Variants in MICAL3 observed in about 807,000 individuals in gnomAD.
MICAL3 encodes microtubule associated monooxygenase, calponin and LIM domain containing 3.
In MICAL3, 62 loss-of-function variants were observed where a neutral mutation model predicts 207.4. That is an observed-to-expected ratio of 0.30 (90% CI 0.24 to 0.37). The LOEUF is 0.37. Among genes scored for constraint, MICAL3 ranks in the 10% least tolerant of loss-of-function variants. The pLI is 1.00. For missense variants in MICAL3, 2,368 were observed against 2,635.6 expected (o/e 0.90, Z 2.22); for synonymous variants, 1,077 against 1,069.3 (o/e 1.01, Z -0.14).
rs115588143 is a variant in MICAL3 at position 17,983,798 on chromosome 22, A to T, written c.-75+40483T>A. Among the ~76,000 whole-genome samples the T allele has an allele frequency of 4.3e-3, 654 of 152,264 alleles. 6 individuals carry two copies. The highest frequency in any genetic ancestry group is 0.015 in the African/African-American group (617 of 41,538). On this transcript the variant is annotated intron_variant, in intron 1 of 31. Transcript: ENST00000441493. The stretch of plus-strand genomic sequence containing the variant: ...CTTCACACCATGCCACTTCCTATGG[A>T]AGAACCCTATGCTAAAGGTGCCCTA...
chr22:17,831,744 GCAGGAGGC>G, intron 21 of MICAL3, 102 bp downstream of exon 21: 2 of 1,476,958 alleles, frequency 1.4e-6, no homozygotes, highest in Non-Finnish European at 1.8e-6. Flanking sequence ...CCTGGGCTGT[GCAGGAGGC>G]ACGTCCGTGT....
At chr22:17,917,745 T>C (rs1444586384) in intron 1 of MICAL3, among the ~76,000 whole-genome samples, 1 of 152,202 alleles carries the variant, frequency 6.6e-6, no homozygotes, top group African/African-American at 2.4e-5. Context: ...TGGCCAGCCA[T>C]GCAGAGTGCC....
At position 17,887,358 on chromosome 22, in the gene MICAL3, G is replaced by C; in HGVS notation, c.1969C>G (p.Leu657Val). 1 of 1,613,994 alleles carries C rather than the reference G, an allele frequency of 6.2e-7. No individual in the cohort carries two copies. Among genetic ancestry groups the C allele is most frequent in the South Asian group, 1.1e-5 (1 of 91,082 alleles). ...TRSPISFLSKLGQTISRKRSP... is the reference protein window; with the variant it reads ...TRSPISFLSKVGQTISRKRSP... ...CGCTTCCGAGAGATGGTCTGGCCAA[G>C]TTTGCTTAGGAAGGAGATAGGGGAT... is the stretch of plus-strand genomic sequence containing the variant. The change falls in exon 14 of 32, where the codon CTT becomes GTT. Residue 657 changes from leucine to valine, a missense_variant. Coordinates refer to ENST00000441493, the MANE Select transcript of MICAL3 (RefSeq NM_015241.3).
At chr22:17,846,191 C>A (rs973503683) in intron 19 of MICAL3, among the ~76,000 whole-genome samples, 3 of 152,188 alleles carry the variant, frequency 2.0e-5, no homozygotes, top group African/African-American at 7.2e-5. Context: ...ACCCACCAGG[C>A]CATTGAGCCA....
At chr22:17,917,867 T>G (rs557741003) in intron 1 of MICAL3, among the ~76,000 whole-genome samples, 1 of 152,190 alleles carries the variant, frequency 6.6e-6, no homozygotes, top group Non-Finnish European at 1.5e-5. Flanking sequence ...CTGTGGACAC[T>G]GTGTACAAAG....
At chr22:17,976,227 C>G (rs1342206733) in intron 1 of MICAL3, among the ~76,000 whole-genome samples, 3 of 152,138 alleles carry the variant, frequency 2.0e-5, no homozygotes, top group Non-Finnish European at 4.4e-5. Context: ...GTTTTTCATT[C>G]TGGTAACTTG....
In MICAL3 at chr22:17,887,450, C is replaced by T; in HGVS notation, c.1892-15G>A. 4 of 1,582,048 alleles carry T rather than the reference C, an allele frequency of 2.5e-6. No individual in the cohort carries two copies. Among genetic ancestry groups the T allele is most frequent in the Non-Finnish European group, 3.5e-6 (4 of 1,152,818 alleles). ...GTCCAAGGTGTCTGGGAATAGAAACCAGTGATGTTCAAGCACAGCCCTTGA... is the reference window on the plus strand; with the variant it reads ...GTCCAAGGTGTCTGGGAATAGAAACTAGTGATGTTCAAGCACAGCCCTTGA... On this transcript the variant is annotated splice_polypyrimidine_tract_variant and intron_variant, in intron 13 of 31. Coordinates refer to ENST00000441493, the MANE Select transcript of MICAL3 (RefSeq NM_015241.3).
At chr22:17,864,157 C>A (rs1926812460) in intron 19 of MICAL3, 9 of 988,960 alleles carry the variant, frequency 9.1e-6, no homozygotes, top group Non-Finnish European at 1.1e-5. Flanking sequence ...CTGGTACCCA[C>A]AAACCCTGCG....
intron 19 of MICAL3, among the ~76,000 whole-genome samples, chr22:17,846,396 TA>T (rs60481676): frequency 6.7e-6 from 1 of 149,584 alleles, no homozygotes; most frequent in African/African-American, 2.5e-5. Flanking sequence ...CATGGGAAAT[TA>T]AAAAAAAAAC....
chr22:17,886,851 A>G (rs1474865230), intron 15 of MICAL3, among the ~76,000 whole-genome samples: 2 of 149,942 alleles, frequency 1.3e-5, no homozygotes, highest in African/African-American at 2.4e-5. Context: ...GTGTGGTGGC[A>G]CATGCCTGCA....
chr22:17,983,250 A>ACC (rs1936008624), intron 1 of MICAL3: 1 of 151,086 alleles, frequency 6.6e-6, no homozygotes, highest in Admixed American at 6.6e-5. Context: ...TTGGGTCTTC[A>ACC]CCCCTCCCCA....
In MICAL3 at chr22:17,919,076, G is replaced by GTTTTTTTTT. The variant is rs35096617; in HGVS notation, c.-74-12199_-74-12191dup. On this transcript the variant is annotated intron_variant, in intron 1 of 31. Transcript: ENST00000441493. ...CTCCAAATGTTTTTGGTTTTTGTGG[G>GTTTTTTTTT]TTTTTTTTTTTTTTGAGACAGGCTC... is the stretch of plus-strand genomic sequence containing the variant. Among the ~76,000 whole-genome samples, 444 of 136,474 alleles carry GTTTTTTTTT rather than the reference G, an allele frequency of 3.3e-3. 10 individuals carry two copies. The highest frequency in any genetic ancestry group is 0.013 in the African/African-American group (426 of 33,812). The allele number at this position is 136,474 out of a possible 152,430, so 89.5% of individuals were successfully genotyped here.
intron 1 of MICAL3, among the ~76,000 whole-genome samples, chr22:17,991,251 G>T (rs1012649775): frequency 6.6e-6 from 1 of 152,120 alleles, no homozygotes; most frequent in Non-Finnish European, 1.5e-5. Context: ...CTGCGTGTGT[G>T]TAAGTGCTGT....
In MICAL3 at chr22:17,918,254, C is replaced by T. The variant is rs757146672; in HGVS notation, c.-74-11368G>A. On this transcript the variant is annotated intron_variant, in intron 1 of 31. Coordinates refer to ENST00000441493, the MANE Select transcript of MICAL3 (RefSeq NM_015241.3). Reference sequence around the variant, plus strand: ...TACGATCATGCCACTGCACTCTGGCCTGGCGGACAGAACGAGACTGTCTCT... The same window carrying T: ...TACGATCATGCCACTGCACTCTGGCTTGGCGGACAGAACGAGACTGTCTCT... Among the ~76,000 whole-genome samples the T allele has an allele frequency of 2.7e-4, 41 of 151,830 alleles. 1 individual carries two copies. The highest frequency in any genetic ancestry group is 2.4e-3 in the Admixed American group (37 of 15,262).
chr22:17,937,613 A>T (rs921290090), intron 1 of MICAL3, among the ~76,000 whole-genome samples: 2 of 152,238 alleles, frequency 1.3e-5, no homozygotes, highest in African/African-American at 4.8e-5. Context: ...CGGTGAGCCA[A>T]GATCACGCCA....
intron 19 of MICAL3, chr22:17,861,783 C>T (rs1926539767): frequency 1.0e-6 from 1 of 985,036 alleles, no homozygotes; most frequent in Non-Finnish European, 1.2e-6. Context: ...ATTAAAAGCA[C>T]ATTACAAACA....
chr22:18,018,768 C>CACACACACACACACATACACACA (rs1569169310), intron 1 of MICAL3, among the ~76,000 whole-genome samples: 2 of 138,168 alleles, frequency 1.4e-5, no homozygotes, highest in African/African-American at 5.3e-5. Flanking sequence ...ATCTATCTAT[C>CACACACACACACACATACACACA]TACACACACA....
rs2061801985 is a variant in MICAL3 at position 17,788,271 on chromosome 22, T to C, written c.*2461A>G. 1 of 152,298 alleles carries C rather than the reference T, an allele frequency of 6.6e-6. No homozygotes were observed. Among genetic ancestry groups the C allele is most frequent in the Non-Finnish European group, 1.5e-5 (1 of 68,068 alleles). The allele number at this position is 152,298 out of a possible 1,614,324, so 9.4% of individuals were successfully genotyped here. On this transcript the variant is annotated 3_prime_UTR_variant, in exon 32 of 32. Transcript: ENST00000441493. The stretch of plus-strand genomic sequence containing the variant: ...CAGGCCTGCGGCTCTGCGGCGCCTC[T>C]CTGCAAAGGCTCGGGTCCACCTTCC...
intron 1 of MICAL3, among the ~76,000 whole-genome samples, chr22:18,002,190 T>G (rs544718009): frequency 6.6e-6 from 1 of 152,062 alleles, no homozygotes; most frequent in African/African-American, 2.4e-5. Flanking sequence ...AGAGCGAGAC[T>G]CCATCTAAAG....
Sources: allele counts gnomAD v4.1 joint callset (sites outside exome capture counted in the v4.1 genomes callset), GRCh38; gene constraint gnomAD v4.1.1; transcripts MANE v1.5; gene names NCBI Gene and HGNC (gene_info 2026-07-23, HGNC 2026-07-21).